Variants in STAC observed in about 807,000 individuals in gnomAD.
STAC encodes SH3 and cysteine rich domain, also known as SH3 and cysteine-rich domain-containing protein.
STAC carries 43 observed loss-of-function variants against 48.8 expected under a neutral mutation model. That is an observed-to-expected ratio of 0.88 (90% CI 0.69 to 1.14). The LOEUF is 1.14. Ranked by LOEUF, STAC falls within the 50% of genes most tolerant of loss-of-function variation. The probability of loss-of-function intolerance (pLI) is 0.00; values close to 1 mark genes in which losing one functional copy is unlikely to be tolerated. For synonymous variants in STAC, 193 were observed against 179.5 expected (o/e 1.07, Z -0.60); for missense variants, 497 against 504.0 (o/e 0.99, Z 0.13).
chr3:36,427,480 A>C (rs1031754431), intron 1 of STAC, among the ~76,000 whole-genome samples: 1 of 152,012 alleles, frequency 6.6e-6, no homozygotes, highest in African/African-American at 2.4e-5. Flanking sequence ...GCATGCTATA[A>C]CTGCTCAAGA....
At chr3:36,460,906 T>A (rs1335709825) in intron 2 of STAC, among the ~76,000 whole-genome samples, 2 of 152,188 alleles carry the variant, frequency 1.3e-5, no homozygotes, top group East Asian at 3.8e-4. Context: ...GAATAGCCAA[T>A]TCTTCAAAAA....
chr3:36,396,026 C>T (rs1280278877), intron 1 of STAC, among the ~76,000 whole-genome samples: 1 of 151,954 alleles, frequency 6.6e-6, no homozygotes, highest in African/African-American at 2.4e-5. Flanking sequence ...ATAATATTTA[C>T]CTCTGCGATA....
intron 8 of STAC, among the ~76,000 whole-genome samples, chr3:36,519,272 A>G (rs949183934): frequency 5.9e-5 from 9 of 152,246 alleles, no homozygotes; most frequent in Non-Finnish European, 1.0e-4. Context: ...ATTCTGAAAG[A>G]CTGCCTTAAA....
chr3:36,417,811 TA>T (rs1209769505), intron 1 of STAC, among the ~76,000 whole-genome samples: 1 of 152,206 alleles, frequency 6.6e-6, no homozygotes, highest in Non-Finnish European at 1.5e-5. Context: ...AACTTGCCCA[TA>T]AAAAACCAGT....
chr3:36,459,526 A>G (rs943832215), intron 2 of STAC, among the ~76,000 whole-genome samples: 1 of 152,236 alleles, frequency 6.6e-6, no homozygotes, highest in African/African-American at 2.4e-5. Flanking sequence ...TTAATTTTCC[A>G]GAAGTTAATA....
intron 1 of STAC, among the ~76,000 whole-genome samples, chr3:36,435,124 T>C (rs1700800632): frequency 6.6e-6 from 1 of 152,174 alleles, no homozygotes; most frequent in Non-Finnish European, 1.5e-5. Context: ...TAACCTAAAA[T>C]GAACACTCTG....
intron 5 of STAC, among the ~76,000 whole-genome samples, chr3:36,492,883 G>T (rs1042950748): frequency 3.3e-5 from 5 of 152,166 alleles, no homozygotes; most frequent in Non-Finnish European, 7.3e-5. Context: ...CCTGGCTGTG[G>T]CCTTTGCTTC....
chr3:36,516,208 T>C (rs997952055), intron 8 of STAC, among the ~76,000 whole-genome samples: 2 of 152,002 alleles, frequency 1.3e-5, no homozygotes, highest in African/African-American at 2.4e-5. Context: ...GGTCTCAAAC[T>C]CCTGACCTCG....
chr3:36,520,095 A>C (rs1441039524), intron 8 of STAC, among the ~76,000 whole-genome samples: 1 of 152,162 alleles, frequency 6.6e-6, no homozygotes, highest in Admixed American at 6.5e-5. Flanking sequence ...TGCCCATTTC[A>C]AAGTCTTTCA....
chr3:36,417,826 G>T (rs1259266590), intron 1 of STAC, among the ~76,000 whole-genome samples: 1 of 152,136 alleles, frequency 6.6e-6, no homozygotes, highest in Admixed American at 6.5e-5. Context: ...AACCAGTCCA[G>T]CCATTCCTTT....
chr3:36,459,710 T>C (rs1312633763), intron 2 of STAC, among the ~76,000 whole-genome samples: 1 of 152,182 alleles, frequency 6.6e-6, no homozygotes, highest in Non-Finnish European at 1.5e-5. Flanking sequence ...GATTTCCAAA[T>C]TATGATAGAT....
At position 36,443,284 on chromosome 3, in the gene STAC, C is replaced by T. The variant is rs1205871339; in HGVS notation, c.112-80C>T. 4.6e-6 allele frequency: 7 copies of T among 1,536,660 alleles called. No individual in the cohort carries two copies. The highest frequency in any genetic ancestry group is 6.2e-6 in the Non-Finnish European group (7 of 1,127,724). On this transcript the variant is annotated intron_variant, in intron 1 of 10. Transcript: ENST00000273183. This position sits in a 1 kb window ranked among gnomAD's most constrained non-coding sequence, Gnocchi z 4.2. ...GTGTCAGTGGGGACTGTGTAGTGCA[C>T]ACAGCAGACCTTACCCCCACAGCCT...
rs184962954 is a variant in STAC at position 36,528,677 on chromosome 3, C to A, written c.921-19C>A. On this transcript the variant is annotated intron_variant, in intron 8 of 10. Coordinates refer to ENST00000273183, the MANE Select transcript of STAC (RefSeq NM_003149.3). Reference sequence around the variant, plus strand: ...TTCTTTTTTTTTCCTTTACCTAACTCATTCATTCTTCATTTTAGGCCAGGA... The same window carrying A: ...TTCTTTTTTTTTCCTTTACCTAACTAATTCATTCTTCATTTTAGGCCAGGA... 1 of 1,572,322 alleles carries A rather than the reference C, an allele frequency of 6.4e-7. No individual in the cohort carries two copies. Among genetic ancestry groups the A allele is most frequent in the Non-Finnish European group, 8.6e-7 (1 of 1,161,438 alleles).
chr3:36,384,024 A>G (rs1333268279), intron 1 of STAC, among the ~76,000 whole-genome samples: 1 of 152,198 alleles, frequency 6.6e-6, no homozygotes, highest in African/African-American at 2.4e-5. Context: ...GTTGAGTTGA[A>G]TAAGTTTGAA....
chr3:36,531,340 G>A (rs112559757), intron 10 of STAC, among the ~76,000 whole-genome samples: 26 of 152,252 alleles, frequency 1.7e-4, no homozygotes, highest in Non-Finnish European at 1.8e-4. Flanking sequence ...CACAAACAAC[G>A]GAAGTGATTA....
intron 10 of STAC, 49 bp downstream of exon 10, chr3:36,529,034 C>A (rs1699005580): frequency 5.3e-6 from 8 of 1,521,442 alleles, no homozygotes; most frequent in Non-Finnish European, 7.1e-6. Context: ...AATAGGGTGT[C>A]ATTTTAATAA....
At chr3:36,453,141 T>C (rs548447665) in intron 2 of STAC, among the ~76,000 whole-genome samples, 1 of 152,364 alleles carries the variant, frequency 6.6e-6, no homozygotes, top group African/African-American at 2.4e-5. Context: ...TTTCTCTAAA[T>C]CTGTTTTTCT....
chr3:36,527,744 C>T (rs1698969071), intron 8 of STAC, among the ~76,000 whole-genome samples: 1 of 152,150 alleles, frequency 6.6e-6, no homozygotes, highest in South Asian at 2.1e-4. Flanking sequence ...CCAATTGTCA[C>T]AGCTGTGTTG....
chr3:36,443,299 C>T lies in STAC; in HGVS notation c.112-65C>T, dbSNP rs1696409165. On this transcript the variant is annotated intron_variant, in intron 1 of 10. Coordinates refer to ENST00000273183, the MANE Select transcript of STAC (RefSeq NM_003149.3). The surrounding 1 kb of genome is among the most constrained non-coding windows in gnomAD (Gnocchi z 4.2). ...GTGTAGTGCACACAGCAGACCTTACCCCCACAGCCTAGGTCTGCTTGATCC... is the reference window on the plus strand; with the variant it reads ...GTGTAGTGCACACAGCAGACCTTACTCCCACAGCCTAGGTCTGCTTGATCC... The T allele has an allele frequency of 1.3e-6, 2 of 1,584,306 alleles. No homozygotes were observed. Among genetic ancestry groups the T allele is most frequent in the Non-Finnish European group, 1.7e-6 (2 of 1,162,406 alleles).
Sources: gnomAD v4.1 joint callset for allele counts (sites outside exome capture counted in the v4.1 genomes callset) on GRCh38, gnomAD v4.1.1 for gene constraint, Gnocchi (gnomAD v3.1) non-coding constraint, MANE v1.5 for transcripts, NCBI Gene and HGNC (gene_info 2026-07-23, HGNC 2026-07-21) for gene names.